Variants in MARCHF1 observed in about 807,000 individuals in gnomAD.
The protein encoded by MARCHF1 is membrane associated ring-CH-type finger 1.
A neutral mutation model predicts 54.2 loss-of-function variants in MARCHF1; 40 were observed. That is an observed-to-expected ratio of 0.74 (90% CI 0.57 to 0.96). MARCHF1 has a LOEUF of 0.96. Among genes scored for constraint, MARCHF1 ranks in the 40% least tolerant of loss-of-function variants. The pLI is 0.00. For synonymous variants in MARCHF1, 236 were observed against 236.3 expected, an observed-to-expected ratio of 1.00 and a Z score of 0.01; for missense variants, 586 against 656.5, an observed-to-expected ratio of 0.89 and a Z score of 1.17.
intron 2 of MARCHF1, among the ~76,000 whole-genome samples, chr4:164,045,455 T>A (rs1240807215): frequency 1.3e-5 from 2 of 151,772 alleles, no homozygotes. Flanking sequence ...GTGGTTGCAG[T>A]GAGCCAAGAT....
In MARCHF1 at chr4:163,719,658, G is replaced by C. The variant is rs9685710; in HGVS notation, c.112-18795C>G. Among the ~76,000 whole-genome samples the C allele has an allele frequency of 6.6e-5, 10 of 150,624 alleles. 1 individual carries two copies. Among genetic ancestry groups the C allele is most frequent in the Admixed American group, 3.3e-4 (5 of 15,228 alleles). ...TTACAGTCCCACCAACAGTGTAAAA[G>C]TGTTCCTATTTCTCCATATCCTCTC... On this transcript the variant is annotated intron_variant, in intron 4 of 9. Transcript: ENST00000514618.
In MARCHF1 at chr4:164,289,709, A is replaced by C. The variant is rs137906462; in HGVS notation, c.-323+94161T>G. On this transcript the variant is annotated intron_variant, in intron 1 of 9. Transcript: ENST00000514618. Reference sequence around the variant, plus strand: ...TCTAATCAAACCCTCACAGGCTATGAGTATACAAGTCTCTAGTCTTACCAT... The same window carrying C: ...TCTAATCAAACCCTCACAGGCTATGCGTATACAAGTCTCTAGTCTTACCAT... 1.7e-3 allele frequency among the ~76,000 whole-genome samples: 265 copies of C among 152,052 alleles called. 1 individual carries two copies. Among genetic ancestry groups the C allele is most frequent in the African/African-American group, 6.3e-3 (261 of 41,532 alleles).
At chr4:164,337,513 T>A (rs545573731) in intron 1 of MARCHF1, among the ~76,000 whole-genome samples, 4 of 152,128 alleles carry the variant, frequency 2.6e-5, no homozygotes, top group Non-Finnish European at 5.9e-5. Context: ...ACTAAGATGA[T>A]CAGCATGGAT....
intron 1 of MARCHF1, among the ~76,000 whole-genome samples, chr4:164,376,519 G>C (rs1731198058): frequency 6.6e-6 from 1 of 152,150 alleles, no homozygotes; most frequent in South Asian, 2.1e-4. Flanking sequence ...GAGGCACCGG[G>C]TAAAGTGAAC....
intron 2 of MARCHF1, among the ~76,000 whole-genome samples, chr4:164,107,618 C>G (rs904320124): frequency 1.3e-5 from 2 of 152,010 alleles, no homozygotes; most frequent in African/African-American, 4.8e-5. Context: ...CCACTTCTGC[C>G]CCTCAAAGTT....
At chr4:164,008,807 CA>C in intron 2 of MARCHF1, among the ~76,000 whole-genome samples, 1 of 151,600 alleles carries the variant, frequency 6.6e-6, no homozygotes, top group East Asian at 1.9e-4. Flanking sequence ...TATAACATAC[CA>C]AAATATATGG....
intron 3 of MARCHF1, among the ~76,000 whole-genome samples, chr4:163,876,124 G>A (rs572080768): frequency 6.6e-6 from 1 of 152,146 alleles, no homozygotes; most frequent in South Asian, 2.1e-4. Context: ...AGTAAAAATT[G>A]ATATTTGAAT....
chr4:163,952,550 G>T (rs976641054), intron 3 of MARCHF1, among the ~76,000 whole-genome samples: 1 of 152,120 alleles, frequency 6.6e-6, no homozygotes, highest in African/African-American at 2.4e-5. Context: ...CAAAAAGAGG[G>T]TCTGCATGAG....
At chr4:164,202,792 A>C (rs1731490528) in intron 1 of MARCHF1, among the ~76,000 whole-genome samples, 1 of 152,214 alleles carries the variant, frequency 6.6e-6, no homozygotes, top group South Asian at 2.1e-4. Context: ...ATAAAACATA[A>C]AAGCATCCTT....
At chr4:163,709,724 T>C (rs1340971323) in intron 4 of MARCHF1, among the ~76,000 whole-genome samples, 1 of 152,216 alleles carries the variant, frequency 6.6e-6, no homozygotes, top group Non-Finnish European at 1.5e-5. Flanking sequence ...GTTACAACAC[T>C]TGCATTAGAA....
At chr4:164,043,545 C>T (rs1173451442) in intron 2 of MARCHF1, among the ~76,000 whole-genome samples, 1 of 152,064 alleles carries the variant, frequency 6.6e-6, no homozygotes, top group Non-Finnish European at 1.5e-5. Flanking sequence ...CTTCCTAGGC[C>T]TCTAAATCTG....
At chr4:163,953,948 C>T (rs571369429) in intron 3 of MARCHF1, among the ~76,000 whole-genome samples, 6 of 152,218 alleles carry the variant, frequency 3.9e-5, no homozygotes, top group Middle Eastern at 3.4e-3. Context: ...AGTCCACTAA[C>T]GCTTGTCTTC....
At chr4:163,576,780 CTCTT>C in intron 8 of MARCHF1, among the ~76,000 whole-genome samples, 1 of 151,684 alleles carries the variant, frequency 6.6e-6, no homozygotes, top group South Asian at 2.1e-4. Context: ...TTGAAATGAA[CTCTT>C]TATTATTATG....
chr4:163,624,067 G>A (rs1741782992), intron 5 of MARCHF1, among the ~76,000 whole-genome samples: 2 of 152,188 alleles, frequency 1.3e-5, no homozygotes, highest in African/African-American at 4.8e-5. Flanking sequence ...GTGCAAGTGG[G>A]TGGGGAAGCA....
chr4:163,831,606 T>A (rs1004781823), intron 4 of MARCHF1, among the ~76,000 whole-genome samples: 4 of 151,294 alleles, frequency 2.6e-5, no homozygotes, highest in African/African-American at 9.8e-5. Context: ...AATTAAATTT[T>A]AAAAAATAAA....
intron 2 of MARCHF1, among the ~76,000 whole-genome samples, chr4:164,010,170 G>T (rs890220046): frequency 1.7e-4 from 25 of 147,540 alleles, no homozygotes; most frequent in African/African-American, 6.3e-4. Flanking sequence ...AGGTTCAAGC[G>T]ATTCTCCTGC....
chr4:163,967,258 T>C (rs1752460441), intron 3 of MARCHF1, among the ~76,000 whole-genome samples: 1 of 152,146 alleles, frequency 6.6e-6, no homozygotes, highest in Non-Finnish European at 1.5e-5. Flanking sequence ...TTCACTAATT[T>C]AACTTGTTGA....
intron 4 of MARCHF1, among the ~76,000 whole-genome samples, chr4:163,734,192 T>C (rs546108268): frequency 1.3e-5 from 2 of 152,232 alleles, no homozygotes; most frequent in Admixed American, 6.5e-5. Flanking sequence ...GTTGGCAAGA[T>C]AGGGAGAAAT....
chr4:163,912,596 T>C (rs537815920), intron 3 of MARCHF1, among the ~76,000 whole-genome samples: 3 of 152,344 alleles, frequency 2.0e-5, no homozygotes, highest in Admixed American at 2.0e-4. Flanking sequence ...ACCATTTTCC[T>C]GGTTATTACC....
Sources: allele counts gnomAD v4.1 joint callset (sites outside exome capture counted in the v4.1 genomes callset), GRCh38; gene constraint gnomAD v4.1.1; transcripts MANE v1.5; gene names NCBI Gene and HGNC (gene_info 2026-07-23, HGNC 2026-07-21).